Variants in MAD1L1 observed in about 807,000 individuals in gnomAD.
MAD1L1 encodes mitotic spindle assembly checkpoint protein MAD1.
MAD1L1 carries 95 observed loss-of-function variants against 96.9 expected under a neutral mutation model. The observed-to-expected ratio is 0.98, with a 90% CI of 0.83 to 1.16. The LOEUF (loss-of-function observed/expected upper bound fraction) is 1.16. MAD1L1 is among the 50% of genes most tolerant of loss of function. The pLI is 0.00. For missense variants in MAD1L1, 1,007 were observed against 954.4 expected, an observed-to-expected ratio of 1.06 and a Z score of -0.73; for synonymous variants, 473 against 396.6, an observed-to-expected ratio of 1.19 and a Z score of -2.29.
intron 12 of MAD1L1, among the ~76,000 whole-genome samples, chr7:2,052,149 G>A (rs1404391643): frequency 6.6e-6 from 1 of 152,150 alleles, no homozygotes; most frequent in African/African-American, 2.4e-5. Flanking sequence ...TCAGAGAAGC[G>A]AGAGCAGGAG....
intron 16 of MAD1L1, among the ~76,000 whole-genome samples, chr7:1,942,248 A>C (rs12699486): frequency 0.89 from 135,300 of 152,104 alleles, 61,893 homozygotes; most frequent in Non-Finnish European, 0.99. Flanking sequence ...ACACTCAGCA[A>C]GTGGAGGGGA....
In MAD1L1 at chr7:2,213,286, C is replaced by CA; in HGVS notation, c.925-14dup. On this transcript the variant is annotated splice_polypyrimidine_tract_variant and intron_variant, in intron 9 of 18. Coordinates refer to ENST00000265854, the MANE Select transcript of MAD1L1 (RefSeq NM_001013836.2). ...TGGCCAGCAGCCTCTGAAAAGACAACAAAAGCACAGACCCTGTCATCACCT... is the reference window on the plus strand; with the variant it reads ...TGGCCAGCAGCCTCTGAAAAGACAACAAAAAGCACAGACCCTGTCATCACCT... The CA allele has an allele frequency of 6.2e-7, 1 of 1,613,718 alleles. No homozygotes were observed. The highest frequency in any genetic ancestry group is 8.5e-7 in the Non-Finnish European group (1 of 1,179,654).
At chr7:1,847,496 G>A (rs749280434) in intron 18 of MAD1L1, 9 of 471,012 alleles carry the variant, frequency 1.9e-5, no homozygotes, top group African/African-American at 8.0e-5. Flanking sequence ...GGCGGCCACT[G>A]CAGGGGAAGC....
intron 18 of MAD1L1, among the ~76,000 whole-genome samples, chr7:1,897,911 T>C (rs543792622): frequency 1.1e-4 from 16 of 152,284 alleles, no homozygotes; most frequent in African/African-American, 3.8e-4. Context: ...GCAGCCCTCA[T>C]GGAACGAAGC....
intron 18 of MAD1L1, among the ~76,000 whole-genome samples, chr7:1,879,642 G>C (rs1785571943): frequency 1.3e-5 from 2 of 152,190 alleles, no homozygotes; most frequent in Admixed American, 6.5e-5. Context: ...ACTTGACTTT[G>C]AGACTTACTA....
rs1004139773 is a variant in MAD1L1 at position 2,171,820 on chromosome 7, C to T, written c.987-22582G>A. 1.3e-5 allele frequency among the ~76,000 whole-genome samples: 2 copies of T among 152,342 alleles called. 1 individual carries two copies. Among genetic ancestry groups the T allele is most frequent in the South Asian group, 4.1e-4 (2 of 4,828 alleles). On this transcript the variant is annotated intron_variant, in intron 10 of 18. Transcript: ENST00000265854. The stretch of plus-strand genomic sequence containing the variant: ...AGCTGCTGTGTTCCTGAGGCCTCAC[C>T]GTGCCCAGTAAGAGGGCACCATGCA...
intron 6 of MAD1L1, among the ~76,000 whole-genome samples, chr7:2,218,505 G>C (rs941333255): frequency 6.6e-6 from 1 of 152,188 alleles, no homozygotes; most frequent in African/African-American, 2.4e-5. Flanking sequence ...TCTCCTGACT[G>C]CACCTCCAGA....
At chr7:1,947,838 T>C (rs1779301665) in intron 16 of MAD1L1, among the ~76,000 whole-genome samples, 1 of 152,192 alleles carries the variant, frequency 6.6e-6, no homozygotes, top group Non-Finnish European at 1.5e-5. Context: ...AAGGGCTGGA[T>C]GCACCTATAC....
chr7:1,867,164 G>A (rs1784814648), intron 18 of MAD1L1, among the ~76,000 whole-genome samples: 1 of 152,200 alleles, frequency 6.6e-6, no homozygotes, highest in South Asian at 2.1e-4. Flanking sequence ...TGGATGGCAC[G>A]GTCAGTGCCA....
At chr7:1,940,254 C>CT (rs1778886483) in intron 16 of MAD1L1, 1 of 152,256 alleles carries the variant, frequency 6.6e-6, no homozygotes, top group Non-Finnish European at 1.5e-5. Flanking sequence ...GAGGCGGCAG[C>CT]CCTGCCGCTG....
chr7:1,818,164 C>A (rs944209022), intron 18 of MAD1L1, among the ~76,000 whole-genome samples: 4 of 152,120 alleles, frequency 2.6e-5, no homozygotes, highest in Admixed American at 1.3e-4. Flanking sequence ...GGGGCTGATT[C>A]TCCTGCAGCT....
intron 10 of MAD1L1, among the ~76,000 whole-genome samples, chr7:2,173,627 C>T (rs918647649): frequency 1.3e-5 from 2 of 152,194 alleles, no homozygotes; most frequent in Non-Finnish European, 2.9e-5. Flanking sequence ...CTCGGCACCA[C>T]TTCCTGCTCT....
At chr7:1,955,003 A>G (rs1779663795) in intron 16 of MAD1L1, among the ~76,000 whole-genome samples, 1 of 152,302 alleles carries the variant, frequency 6.6e-6, no homozygotes, top group African/African-American at 2.4e-5. Flanking sequence ...CGGCCCTCCC[A>G]GGAAGGCAGC....
Position 2,142,171 on chromosome 7 carries a change from G to A in MAD1L1, c.1073+6981C>T, listed in dbSNP as rs892590022. The stretch of plus-strand genomic sequence containing the variant: ...TCCTACAGACAGACAACTGACTCAC[G>A]AGAGAGACGGCTTTTCAAAGGGCCC... On this transcript the variant is annotated intron_variant, in intron 11 of 18. Coordinates refer to ENST00000265854, the MANE Select transcript of MAD1L1 (RefSeq NM_001013836.2). This position sits in a 1 kb window ranked among gnomAD's most constrained non-coding sequence, Gnocchi z 4.7. Among the ~76,000 whole-genome samples the A allele has an allele frequency of 8.5e-5, 13 of 152,322 alleles. No individual in the cohort carries two copies. The highest frequency in any genetic ancestry group is 2.9e-4 in the African/African-American group (12 of 41,568).
At chr7:2,053,489 A>G (rs914658087) in intron 12 of MAD1L1, among the ~76,000 whole-genome samples, 3 of 152,232 alleles carry the variant, frequency 2.0e-5, no homozygotes, top group Non-Finnish European at 4.4e-5. Context: ...CCTCAATGCT[A>G]TGAGCCGGAC....
intron 16 of MAD1L1, among the ~76,000 whole-genome samples, chr7:1,943,492 CTA>C (rs1252358587): frequency 6.6e-6 from 1 of 152,220 alleles, no homozygotes; most frequent in Non-Finnish European, 1.5e-5. Context: ...AGACAGACTT[CTA>C]TGAGTTCAAT....
At chr7:1,888,617 AGCATGCAT>A (rs1364601842) in intron 18 of MAD1L1, among the ~76,000 whole-genome samples, 1 of 144,076 alleles carries the variant, frequency 6.9e-6, no homozygotes, top group African/African-American at 2.6e-5. Context: ...TGCATGTGTG[AGCATGCAT>A]GCGTGCATGT....
chr7:2,215,966 T>G lies in MAD1L1; in HGVS notation c.843A>C (p.Glu281Asp), dbSNP rs1355876629. 17 of 1,614,190 alleles carry G rather than the reference T, an allele frequency of 1.1e-5. No homozygotes were observed. The highest frequency in any genetic ancestry group is 1.4e-5 in the Non-Finnish European group (16 of 1,180,032). The change falls in exon 9 of 19, where the codon GAA (glutamate) becomes GAC (aspartate). Residue 281 changes from glutamate (E) to aspartate (D), a missense_variant. Transcript: ENST00000265854. ...GCTTCCTCTGCAGCCCTTCCAGCTC[T>G]TCCTGGAGCAGCCCGTTGGTCTCTC... ...EMRETNGLLQ[E>D]ELEGLQRKLG... is the part of the protein sequence containing the mutation.
rs140726616 is a variant in MAD1L1 at position 1,819,961 on chromosome 7, C to T, written c.1999-3733G>A. ...ATGAAGGAAGCCCTGAATCCTGGCT[C>T]AAACAAGGAAAGCTGAAATAATGCA... is the stretch of plus-strand genomic sequence containing the variant. On this transcript the variant is annotated intron_variant, in intron 18 of 18. Transcript: ENST00000265854. 4.6e-5 allele frequency among the ~76,000 whole-genome samples: 7 copies of T among 152,176 alleles called. No homozygotes were observed. In the East Asian group the frequency reaches 1.4e-3, roughly 29 times the overall value.
Sources: allele counts gnomAD v4.1 joint callset (sites outside exome capture counted in the v4.1 genomes callset), GRCh38; gene constraint gnomAD v4.1.1; non-coding constraint Gnocchi (gnomAD v3.1); transcripts MANE v1.5; gene names NCBI Gene and HGNC (gene_info 2026-07-23, HGNC 2026-07-21).